TEAD2: variants seen among roughly 807,000 people sequenced by gnomAD.
TEAD2 encodes transcriptional enhancer factor TEF-4.
Under a neutral mutation model 61.4 loss-of-function variants are expected in TEAD2, and 51 were observed. That is an observed-to-expected ratio of 0.83 (90% CI 0.66 to 1.05). The LOEUF is 1.05. Among genes scored for constraint, TEAD2 ranks in the 50% least tolerant of loss-of-function variants. The pLI is 0.00. For synonymous variants in TEAD2, 244 were observed against 243.2 expected (o/e 1.00, Z -0.03); for missense variants, 509 against 600.0 (o/e 0.85, Z 1.58).
At chr19:49,350,178 C>G (rs1350955530) in intron 8 of TEAD2, among the ~76,000 whole-genome samples, 1 of 152,172 alleles carries the variant, frequency 6.6e-6, no homozygotes, top group Admixed American at 6.5e-5. Context: ...GGGAATGAAG[C>G]CACCACAGTG....
chr19:49,354,720 CT>C (rs1972259161), intron 7 of TEAD2, among the ~76,000 whole-genome samples: 1 of 152,142 alleles, frequency 6.6e-6, no homozygotes, highest in Admixed American at 6.5e-5. Context: ...CTAATAGAGG[CT>C]GGGCACGGTG....
chr19:49,342,189 C>T (rs1390412266), intron 12 of TEAD2, among the ~76,000 whole-genome samples: 2 of 150,756 alleles, frequency 1.3e-5, no homozygotes, highest in Non-Finnish European at 3.0e-5. Flanking sequence ...GAGACTCCAT[C>T]TCAAAAAAAA....
chr19:49,342,638 C>T (rs8108669), intron 11 of TEAD2, 48 bp from the exon 12 acceptor site: 432,390 of 1,593,338 alleles, frequency 0.27, 61,494 homozygotes, highest in South Asian at 0.46. Context: ...GAGAGACCCA[C>T]GGGTCACCCC....
rs1971203104 is a variant in TEAD2, at chr19:49,340,685, TAGGAG to T, written c.*634_*638del. On this transcript the variant is annotated 3_prime_UTR_variant, in exon 13 of 13. Coordinates refer to ENST00000593945, the MANE Select transcript of TEAD2 (RefSeq NM_001256660.2). ...GAAACCGTCTAGCTCAGGGCTCACT[TAGGAG>T]AGGGATGAGATTAGAAAGTTCAACA... The T allele has an allele frequency of 4.9e-5, 21 of 432,234 alleles. No individual in the cohort carries two copies. Among genetic ancestry groups the T allele is most frequent in the South Asian group, 4.6e-4 (21 of 45,190 alleles). The allele number at this position is 432,234 out of a possible 1,614,324, so 26.8% of individuals were successfully genotyped here. A position where few individuals can be genotyped will look rare whatever the true frequency, so the allele number is the denominator to read the frequency against.
At position 49,359,522 on chromosome 19, in the gene TEAD2, GAGTT is replaced by G. The variant is rs758426400; in HGVS notation, c.233-27_233-24del. On this transcript the variant is annotated intron_variant, in intron 2 of 12. Coordinates refer to ENST00000593945, the MANE Select transcript of TEAD2 (RefSeq NM_001256660.2). The surrounding 1 kb of genome is among the most constrained non-coding windows in gnomAD (Gnocchi z 4.1). ...GACCTGAAGATTCAAAGACGGAACA[GAGTT>G]AGTTAGACTTTCAACAGAACTTCCC... 1.9e-6 allele frequency: 3 copies of G among 1,613,176 alleles called. No homozygotes were observed. Among genetic ancestry groups the G allele is most frequent in the Non-Finnish European group, 1.7e-6 (2 of 1,179,254 alleles).
At chr19:49,355,038 C>T (rs1972288984) in intron 7 of TEAD2, 110 bp downstream of exon 7, 1 of 717,566 alleles carries the variant, frequency 1.4e-6, no homozygotes, top group Admixed American at 2.3e-5. Context: ...TACATACATA[C>T]ATACATACAT....
Position 49,347,296 on chromosome 19 carries a change from C to A in TEAD2, c.815G>T (p.Ser272Ile). 1.2e-6 allele frequency: 2 copies of A among 1,613,908 alleles called. No individual in the cohort carries two copies. Among genetic ancestry groups the A allele is most frequent in the Non-Finnish European group, 1.7e-6 (2 of 1,180,028 alleles). ...CPSPGAPPLE[S>I]VDVRQIYDKF... Reference sequence around the variant, plus strand: ...GTCGTAGATCTGCCGGACGTCCACACTCTCGAGCGGCGGCGCTCCGGGGCT... The same window carrying A: ...GTCGTAGATCTGCCGGACGTCCACAATCTCGAGCGGCGGCGCTCCGGGGCT... The change falls in exon 10 of 13, where the codon AGT (serine) becomes ATT (isoleucine). Residue 272 changes from serine (S) to isoleucine (I), a missense_variant. Transcript: ENST00000593945.
rs1212785141 is a variant in TEAD2 at position 49,341,933 on chromosome 19, C to G, written c.1243-496G>C. ...TGGGGCTGGGCGTGGTGGCTCACAC[C>G]TGTAATCCCAGCACTTTGGGAGGCC... On this transcript the variant is annotated intron_variant, in intron 12 of 12. Transcript: ENST00000593945. The surrounding 1 kb of genome is among the most constrained non-coding windows in gnomAD (Gnocchi z 4.2). Among the ~76,000 whole-genome samples the G allele has an allele frequency of 1.3e-5, 2 of 152,164 alleles. No individual in the cohort carries two copies. Among genetic ancestry groups the G allele is most frequent in the African/African-American group, 4.8e-5 (2 of 41,448 alleles).
intron 4 of TEAD2, among the ~76,000 whole-genome samples, chr19:49,356,591 G>A (rs1022459292): frequency 2.0e-5 from 3 of 152,036 alleles, no homozygotes; most frequent in Non-Finnish European, 4.4e-5. Flanking sequence ...GTCATGCAAA[G>A]GTCAGGAAAT....
rs1971287055 is a variant in TEAD2, at chr19:49,341,788, C to G, written c.1243-351G>C. Among the ~76,000 whole-genome samples, 1 of 152,072 alleles carries G rather than the reference C, an allele frequency of 6.6e-6. No homozygotes were observed. ...GTCAAGGGGTCTCTGCCTCAGCAGT[C>G]CAAAAAGTTAAAGGGGCTCCCACCA... is the stretch of plus-strand genomic sequence containing the variant. On this transcript the variant is annotated intron_variant, in intron 12 of 12. Transcript: ENST00000593945. The surrounding 1 kb of genome is among the most constrained non-coding windows in gnomAD (Gnocchi z 4.2).
intron 10 of TEAD2, among the ~76,000 whole-genome samples, chr19:49,346,335 G>A (rs558503645): frequency 6.6e-6 from 1 of 152,078 alleles, no homozygotes; most frequent in African/African-American, 2.4e-5. Context: ...GTCTATATAG[G>A]AAGTGCTCAA....
Position 49,341,556 on chromosome 19 carries a change from G to A in TEAD2, c.1243-119C>T, listed in dbSNP as rs1971261432. On this transcript the variant is annotated intron_variant, in intron 12 of 12. Transcript: ENST00000593945. The surrounding 1 kb of genome is among the most constrained non-coding windows in gnomAD (Gnocchi z 4.2). Reference sequence around the variant, plus strand: ...GCTCTTTTCCATCTCCAGGAAACAGGCCGCCACCATATCATGTTCCCCAGG... The same window carrying A: ...GCTCTTTTCCATCTCCAGGAAACAGACCGCCACCATATCATGTTCCCCAGG... 1 of 778,486 alleles carries A rather than the reference G, an allele frequency of 1.3e-6. No homozygotes were observed. The highest frequency in any genetic ancestry group is 2.1e-6 in the Non-Finnish European group (1 of 469,108). 48.2% of individuals were successfully genotyped at this position (778,486 alleles called of 1,614,324 possible). A position where few individuals can be genotyped will look rare whatever the true frequency, so the allele number is the denominator to read the frequency against.
chr19:49,345,343 T>G (rs2061902206), intron 10 of TEAD2, among the ~76,000 whole-genome samples: 1 of 151,996 alleles, frequency 6.6e-6, no homozygotes, highest in Non-Finnish European at 1.5e-5. Context: ...TTCCTTTCTT[T>G]CCTTCTTCCT....
chr19:49,347,387 A>G (rs765888716), intron 9 of TEAD2, 24 bp from the exon 10 acceptor site: 9 of 1,597,592 alleles, frequency 5.6e-6, no homozygotes, highest in Non-Finnish European at 7.7e-6. Context: ...GCCGTGGGTG[A>G]GAAGTCGGAG....
intron 9 of TEAD2, among the ~76,000 whole-genome samples, chr19:49,348,269 C>T (rs529328786): frequency 7.2e-5 from 11 of 152,286 alleles, no homozygotes; most frequent in African/African-American, 2.4e-4. Context: ...TTCTAACAGT[C>T]GGCCCACTCC....
chr19:49,357,979 T>A (rs997684622), intron 3 of TEAD2, among the ~76,000 whole-genome samples: 4 of 152,112 alleles, frequency 2.6e-5, no homozygotes, highest in African/African-American at 9.7e-5. Context: ...TCAGCTGTAA[T>A]CCCAGCACTT....
At chr19:49,360,111 C>T in intron 1 of TEAD2, 30 bp from the exon 2 acceptor site, 2 of 1,553,708 alleles carry the variant, frequency 1.3e-6, no homozygotes, top group Non-Finnish European at 1.8e-6. Context: ...AGCAAGCTTC[C>T]CCCAAACCCC....
At chr19:49,356,091 A>C in intron 4 of TEAD2, 121 bp from the exon 5 acceptor site, 1 of 753,768 alleles carries the variant, frequency 1.3e-6, no homozygotes, top group Admixed American at 4.2e-5. Context: ...CCCTGAGCTG[A>C]GCAGTGCCAA....
Position 49,340,730 on chromosome 19 carries a change from C to T in TEAD2, c.*594G>A, listed in dbSNP as rs992486742. On this transcript the variant is annotated 3_prime_UTR_variant, in exon 13 of 13. Transcript: ENST00000593945. ...AAAGTTCAACACACTGCTTGTGCAGCGGAGATAAAGTCAAGACCCTAGCAC... is the reference window on the plus strand; with the variant it reads ...AAAGTTCAACACACTGCTTGTGCAGTGGAGATAAAGTCAAGACCCTAGCAC... The T allele has an allele frequency of 9.9e-5, 33 of 332,626 alleles. No individual in the cohort carries two copies. The highest frequency in any genetic ancestry group is 9.6e-4 in the Middle Eastern group (1 of 1,040). 20.6% of individuals were successfully genotyped at this position (332,626 alleles called of 1,614,324 possible).
Sources: allele counts gnomAD v4.1 joint callset (sites outside exome capture counted in the v4.1 genomes callset), GRCh38; gene constraint gnomAD v4.1.1; non-coding constraint Gnocchi (gnomAD v3.1); transcripts MANE v1.5; gene names NCBI Gene and HGNC (gene_info 2026-07-23, HGNC 2026-07-21).